The following LRRK1 variants were observed in gnomAD, a reference collection of about 807,000 sequenced individuals.
LRRK1 encodes leucine rich repeat kinase 1.
In LRRK1, 113 loss-of-function variants were observed where a neutral mutation model predicts 209.1. The observed-to-expected ratio is 0.54, with a 90% CI of 0.46 to 0.63. The LOEUF is 0.63. Among genes scored for constraint, LRRK1 ranks in the 30% least tolerant of loss-of-function variants. The pLI, the probability that LRRK1 is intolerant of heterozygous loss-of-function variation, is 0.00. For synonymous variants in LRRK1, 1,144 were observed against 1,099.7 expected (o/e 1.04, Z -0.80); for missense variants, 2,284 against 2,632.2 (o/e 0.87, Z 2.89).
Position 101,015,269 on chromosome 15 carries a change from A to G in LRRK1, c.1533-57A>G. ...GGCTTGGCATTATAACATCACAGCCAAAAGTAATGCTTTTGTCGTGCTGTC... is the reference window on the plus strand; with the variant it reads ...GGCTTGGCATTATAACATCACAGCCGAAAGTAATGCTTTTGTCGTGCTGTC... On this transcript the variant is annotated intron_variant, in intron 11 of 33. Transcript: ENST00000388948. 8.5e-6 allele frequency: 12 copies of G among 1,406,418 alleles called. No individual in the cohort carries two copies. The South Asian group carries it at 9.5e-5, about 11-fold the overall frequency. The allele number at this position is 1,406,418 out of a possible 1,614,324, so 87.1% of individuals were successfully genotyped here.
intron 2 of LRRK1, among the ~76,000 whole-genome samples, chr15:100,925,753 A>G (rs907794053): frequency 6.6e-6 from 1 of 152,260 alleles, no homozygotes; most frequent in African/African-American, 2.4e-5. Flanking sequence ...ACAACCTGGC[A>G]CATGGTACTT....
intron 23 of LRRK1, 63 bp from the exon 24 acceptor site, chr15:101,051,648 T>C (rs2035447845): frequency 7.0e-7 from 1 of 1,426,520 alleles, no homozygotes; most frequent in Admixed American, 2.3e-5. Flanking sequence ...TGCAGAGTGC[T>C]GCTCGGGGGG....
chr15:101,020,419 G>A (rs2033726793), intron 12 of LRRK1, among the ~76,000 whole-genome samples: 1 of 139,808 alleles, frequency 7.2e-6, no homozygotes, highest in South Asian at 2.2e-4. Flanking sequence ...CTGTCACCCA[G>A]GCTGGAGTGC....
In LRRK1 at chr15:101,066,635, C is replaced by A; in HGVS notation, c.5769-5C>A. On this transcript the variant is annotated splice_polypyrimidine_tract_variant and splice_region_variant and intron_variant, in intron 32 of 33. Transcript: ENST00000388948. ...CGCTTCCCCTTCTGGGTTTTGGTTG[C>A]TTAGGCGCGGTGGAGATGTTATCGT... 6.2e-7 allele frequency: 1 copy of A among 1,613,982 alleles called. No homozygotes were observed. The highest frequency in any genetic ancestry group is 1.1e-5 in the South Asian group (1 of 91,076).
At chr15:100,972,714 TA>T (rs2031000077) in intron 2 of LRRK1, among the ~76,000 whole-genome samples, 3 of 152,150 alleles carry the variant, frequency 2.0e-5, no homozygotes, top group African/African-American at 7.2e-5. Context: ...TAGTTGGGTG[TA>T]AAAACAATAA....
At chr15:100,975,024 G>A (rs551844978) in intron 3 of LRRK1, among the ~76,000 whole-genome samples, 2 of 152,338 alleles carry the variant, frequency 1.3e-5, no homozygotes, top group Non-Finnish European at 2.9e-5. Flanking sequence ...AAGAGATTGG[G>A]AGAGGGGCAG....
At chr15:101,062,176 T>G (rs550278840) in intron 30 of LRRK1, among the ~76,000 whole-genome samples, 21 of 152,080 alleles carry the variant, frequency 1.4e-4, no homozygotes, top group Non-Finnish European at 2.6e-4. Context: ...CCTCCTAGAG[T>G]GAGGAAAGCA....
In LRRK1 at chr15:101,074,476, CCAGTTCATGCCTCGTTTGG is replaced by C. The variant is rs1332019036; in HGVS notation, c.*5632_*5650del. ...TTTTCATCAAATATAAAAACCCAGC[CCAGTTCATGCCTCGTTTGG>C]CAGCAACCCTGAGACACTTTACGGC... On this transcript the variant is annotated 3_prime_UTR_variant, in exon 34 of 34. Coordinates refer to ENST00000388948, the MANE Select transcript of LRRK1 (RefSeq NM_024652.6). 6.6e-6 allele frequency: 1 copy of C among 152,146 alleles called. No homozygotes were observed. Among genetic ancestry groups the C allele is most frequent in the African/African-American group, 2.4e-5 (1 of 41,416 alleles). The allele number at this position is 152,146 out of a possible 1,614,324, so 9.4% of individuals were successfully genotyped here. A position where few individuals can be genotyped will look rare whatever the true frequency, so the allele number is the denominator to read the frequency against.
rs200666835 is a variant in LRRK1, at chr15:101,051,825, T to G, written c.3554T>G (p.Val1185Gly). Residue 1185 changes from valine to glycine, a missense_variant, in exon 24 of 34, where the codon GTG becomes GGG. Coordinates refer to ENST00000388948, the MANE Select transcript of LRRK1 (RefSeq NM_024652.6). ...GACCCCAGTGAGAAATCAGAGGATG[T>G]GCAGTACTTCGACATGGAAGACTGT... ...HTDPSEKSED[V>G]QYFDMEDCVL... 24 of 1,614,110 alleles carry G rather than the reference T, an allele frequency of 1.5e-5. No individual in the cohort carries two copies. In the African/African-American group the frequency reaches 1.9e-4, roughly 13 times the overall value.
chr15:100,975,160 A>C (rs1596224337), intron 3 of LRRK1, among the ~76,000 whole-genome samples: 1 of 152,368 alleles, frequency 6.6e-6, no homozygotes, highest in East Asian at 1.9e-4. Context: ...GCACACGAGC[A>C]GGTCAGAGCT....
In LRRK1 at chr15:101,073,181, C is replaced by T. The variant is rs1306301135; in HGVS notation, c.*4333C>T. On this transcript the variant is annotated 3_prime_UTR_variant, in exon 34 of 34. Coordinates refer to ENST00000388948, the MANE Select transcript of LRRK1 (RefSeq NM_024652.6). ...CTTGGCGCCACACTTCAATTTCTCC[C>T]TTCTCTTAACTTCAATTCCTTTCAT... is the stretch of plus-strand genomic sequence containing the variant. 6.5e-6 allele frequency: 1 copy of T among 153,020 alleles called. No individual in the cohort carries two copies. Among genetic ancestry groups the T allele is most frequent in the Non-Finnish European group, 1.5e-5 (1 of 68,640 alleles). 9.5% of individuals were successfully genotyped at this position (153,020 alleles called of 1,614,324 possible).
intron 2 of LRRK1, among the ~76,000 whole-genome samples, chr15:100,959,534 G>A (rs896216414): frequency 7.9e-5 from 12 of 152,166 alleles, no homozygotes; most frequent in African/African-American, 1.7e-4. Context: ...TCCAGATAAG[G>A]CAGACACAGG....
intron 2 of LRRK1, among the ~76,000 whole-genome samples, chr15:100,960,315 T>G (rs1316726464): frequency 6.7e-6 from 1 of 148,954 alleles, no homozygotes; most frequent in Non-Finnish European, 1.5e-5. Context: ...TTTAAATGTG[T>G]AGAACTATTC....
chr15:100,952,725 G>A (rs1596190997), intron 2 of LRRK1, among the ~76,000 whole-genome samples: 2 of 152,244 alleles, frequency 1.3e-5, no homozygotes, highest in Admixed American at 6.5e-5. Flanking sequence ...AGGCTTTCAG[G>A]TACATCCACG....
chr15:100,930,679 T>A (rs1274081187), intron 2 of LRRK1, among the ~76,000 whole-genome samples: 1 of 152,204 alleles, frequency 6.6e-6, no homozygotes, highest in African/African-American at 2.4e-5. Context: ...TTACCAGCCA[T>A]CTGCCCTGGC....
In LRRK1 at chr15:101,066,339, G is replaced by C. The variant is rs1484573825; in HGVS notation, c.5768+134G>C. ...AGGTGCTGTTCTTCCAAGAGGGTTG[G>C]TTTCCTCCATTGGGAATGGAAGCGA... On this transcript the variant is annotated intron_variant, in intron 32 of 33. Transcript: ENST00000388948. The C allele has an allele frequency of 1.7e-5, 22 of 1,279,272 alleles. No individual in the cohort carries two copies. In the East Asian group the frequency reaches 3.5e-4, roughly 21 times the overall value. The allele number at this position is 1,279,272 out of a possible 1,614,324, so 79.2% of individuals were successfully genotyped here. A position where few individuals can be genotyped will look rare whatever the true frequency, so the allele number is the denominator to read the frequency against.
intron 20 of LRRK1, among the ~76,000 whole-genome samples, chr15:101,037,217 A>G (rs1014820143): frequency 1.3e-5 from 2 of 152,180 alleles, no homozygotes; most frequent in Admixed American, 1.3e-4. Context: ...GGTCCTGAGC[A>G]GTGCATGCTG....
chr15:101,010,945 C>T (rs1596269223), intron 9 of LRRK1, 108 bp downstream of exon 9: 2 of 995,694 alleles, frequency 2.0e-6, no homozygotes, highest in African/African-American at 1.6e-5. Flanking sequence ...AGCAGCGAAG[C>T]CGGGTAGAAG....
chr15:100,982,059 C>G (rs1242585130), intron 3 of LRRK1, among the ~76,000 whole-genome samples: 2 of 149,662 alleles, frequency 1.3e-5, no homozygotes, highest in African/African-American at 4.8e-5. Context: ...GATGGGGGCA[C>G]TCGCCATCCC....
Sources: allele counts gnomAD v4.1 joint callset (sites outside exome capture counted in the v4.1 genomes callset), GRCh38; gene constraint gnomAD v4.1.1; transcripts MANE v1.5; gene names NCBI Gene and HGNC (gene_info 2026-07-23, HGNC 2026-07-21).